STON1: variants seen among roughly 807,000 people sequenced by gnomAD.
STON1 encodes the protein stonin-1.
In STON1, 79 loss-of-function variants were observed where a neutral mutation model predicts 60.9. That is an observed-to-expected ratio of 1.30 (90% CI 1.08 to 1.56). STON1 has a LOEUF of 1.56. Ranked by LOEUF, STON1 falls within the 40% of genes most tolerant of loss-of-function variation. STON1 has a pLI of 0.00. For missense variants in STON1, 1,166 were observed against 858.9 expected (o/e 1.36, Z -4.47); for synonymous variants, 363 against 306.9 (o/e 1.18, Z -1.91).
chr2:48,578,922 C>G (rs1365126957), intron 1 of STON1, among the ~76,000 whole-genome samples: 1 of 151,800 alleles, frequency 6.6e-6, no homozygotes, highest in African/African-American at 2.4e-5. Context: ...CTGAGGGAAG[C>G]CAAAAGATTA....
At chr2:48,562,525 G>A (rs964756338) in intron 1 of STON1, among the ~76,000 whole-genome samples, 6 of 152,296 alleles carry the variant, frequency 3.9e-5, no homozygotes, top group African/African-American at 1.4e-4. Flanking sequence ...TGTGAAGTAG[G>A]TGTTACTTAT....
At chr2:48,564,404 T>TGTC (rs1448644388) in intron 1 of STON1, among the ~76,000 whole-genome samples, 2 of 128,534 alleles carry the variant, frequency 1.6e-5, no homozygotes, top group African/African-American at 2.9e-5. Context: ...GCAGTGGCGG[T>TGTC]GTCTTCTTCT....
rs371602666 is a variant in STON1 at position 48,581,702 on chromosome 2, A to G, written c.1069A>G (p.Lys357Glu). Residue 357 changes from lysine to glutamate, a missense_variant, in exon 2 of 4, where the codon AAA becomes GAA. Lys to Glu is a moderately conservative substitution (Grantham distance 56, BLOSUM62 1). Coordinates refer to ENST00000404752, the MANE Select transcript of STON1 (RefSeq NM_006873.4). ...VKIEHVSYTE[K>E]RKYHSKTEVV... is the part of the protein sequence containing the mutation. ...GATTGAACATGTGTCTTACACAGAA[A>G]AAAGGAAATACCATTCTAAGACAGA... The G allele has an allele frequency of 1.6e-5, 26 of 1,611,186 alleles. No individual in the cohort carries two copies. The South Asian group carries it at 2.5e-4, about 16-fold the overall frequency.
rs200675765 is a variant in STON1 at position 48,582,029 on chromosome 2, C to T, written c.1396C>T (p.Arg466Ter). The change falls in exon 2 of 4, where the codon CGA becomes TGA. Residue 466 changes from arginine (R) to a stop codon, truncating the protein, a stop_gained. Coordinates refer to ENST00000404752, the MANE Select transcript of STON1 (RefSeq NM_006873.4). LOFTEE classifies it high-confidence loss of function. ...LTLNDLELPK[R>*]DESYYEKDSE... ...CTTGAATGACCTTGAGTTGCCGAAG[C>T]GAGATGAATCCTATTATGAGAAGGA... 3.0e-5 allele frequency: 48 copies of T among 1,613,830 alleles called. 1 individual carries two copies. Among genetic ancestry groups the T allele is most frequent in the East Asian group, 6.7e-5 (3 of 44,884 alleles).
chr2:48,546,080 C>A (rs946799062), intron 1 of STON1, among the ~76,000 whole-genome samples: 1 of 152,150 alleles, frequency 6.6e-6, no homozygotes. Flanking sequence ...TCATGTCTTA[C>A]CTGAGTTCCT....
chr2:48,564,459 TTCTTCTTCTTCTTC>T (rs1672765144), intron 1 of STON1, among the ~76,000 whole-genome samples: 10 of 54,330 alleles, frequency 1.8e-4, no homozygotes, highest in African/African-American at 7.0e-4. Flanking sequence ...CTTCTTCTTC[TTCTTCTTCTTCTTC>T]TTCTTCTTTC....
rs1011435292 is a variant in STON1 at position 48,596,452 on chromosome 2, G to C, written c.*1150G>C. ...TTCCTTTCAGCATTTACAGTGAAAA[G>C]TGAGAATTTTAAAATTTATGAAATC... is the stretch of plus-strand genomic sequence containing the variant. On this transcript the variant is annotated 3_prime_UTR_variant, in exon 4 of 4. Transcript: ENST00000404752. 4 of 152,128 alleles carry C rather than the reference G, an allele frequency of 2.6e-5. No individual in the cohort carries two copies. Among genetic ancestry groups the C allele is most frequent in the Non-Finnish European group, 5.9e-5 (4 of 68,012 alleles). 9.4% of individuals were successfully genotyped at this position (152,128 alleles called of 1,614,324 possible).
Position 48,581,216 on chromosome 2 carries a change from C to A in STON1, c.583C>A (p.His195Asn). Residue 195 changes from histidine (H) to asparagine (N), a missense_variant, in exon 2 of 4, where the codon CAT (histidine) becomes AAT (asparagine). His to Asn is a moderately conservative substitution (Grantham distance 68). Transcript: ENST00000404752. Reference sequence around the variant, plus strand: ...TTGGAAAGATGAAGGCAGTGATTCCCATTTCACCCTTGACCCACCAGGAAG... The same window carrying A: ...TTGGAAAGATGAAGGCAGTGATTCCAATTTCACCCTTGACCCACCAGGAAG... ...PFWKDEGSDS[H>N]FTLDPPGSKK... 1 of 1,521,096 alleles carries A rather than the reference C, an allele frequency of 6.6e-7. No homozygotes were observed. The highest frequency in any genetic ancestry group is 2.3e-5 in the East Asian group (1 of 44,026). 94.2% of individuals were successfully genotyped at this position (1,521,096 alleles called of 1,614,324 possible).
chr2:48,572,370 T>G (rs1673257196), intron 1 of STON1, among the ~76,000 whole-genome samples: 1 of 152,058 alleles, frequency 6.6e-6, no homozygotes, highest in South Asian at 2.1e-4. Context: ...CACATCACAT[T>G]TGCTGAGTGC....
intron 1 of STON1, among the ~76,000 whole-genome samples, chr2:48,572,215 G>A (rs1441490965): frequency 6.6e-6 from 1 of 152,100 alleles, no homozygotes; most frequent in African/African-American, 2.4e-5. Context: ...TTGAAGAGGG[G>A]AGGAAGAGGA....
At chr2:48,562,503 T>A (rs1672653953) in intron 1 of STON1, among the ~76,000 whole-genome samples, 1 of 152,210 alleles carries the variant, frequency 6.6e-6, no homozygotes, top group Admixed American at 6.5e-5. Flanking sequence ...TAACGTTAAT[T>A]TATTTGGTCC....
At chr2:48,593,997 C>T (rs778878103) in intron 3 of STON1, among the ~76,000 whole-genome samples, 8 of 152,064 alleles carry the variant, frequency 5.3e-5, no homozygotes, top group Non-Finnish European at 1.0e-4. Flanking sequence ...GTGTATAGGC[C>T]CCTTTGCATC....
rs755589412 is a variant in STON1 at position 48,591,803 on chromosome 2, G to C, written c.2081G>C (p.Ser694Thr). 6 of 1,614,058 alleles carry C rather than the reference G, an allele frequency of 3.7e-6. No homozygotes were observed. The highest frequency in any genetic ancestry group is 1.6e-4 in the Middle Eastern group (1 of 6,084). Reference sequence around the variant, plus strand: ...GAGGTCAGGTCTCTGGGAGTGGAGAGTGATGTCCAGCCACAGAAACATGTT... The same window carrying C: ...GAGGTCAGGTCTCTGGGAGTGGAGACTGATGTCCAGCCACAGAAACATGTT... ...RTEVRSLGVE[S>T]DVQPQKHVQQ... is the part of the protein sequence containing the mutation. Residue 694 changes from serine (S) to threonine (T), a missense_variant, in exon 3 of 4, where the codon AGT (serine) becomes ACT (threonine). Coordinates refer to ENST00000404752, the MANE Select transcript of STON1 (RefSeq NM_006873.4).
In STON1 at chr2:48,580,802, A is replaced by G. The variant is rs1239691971; in HGVS notation, c.169A>G (p.Thr57Ala). 6.4e-7 allele frequency: 1 copy of G among 1,553,294 alleles called. No individual in the cohort carries two copies. Among genetic ancestry groups the G allele is most frequent in the South Asian group, 1.3e-5 (1 of 79,616 alleles). ...LREFPSGSSS[T>A]SSTPLSSPIV... ...GGAATTTCCCAGTGGATCTTCCTCC[A>G]CCAGCAGCACTCCTCTCTCCTCCCC... The change falls in exon 2 of 4, where the codon ACC becomes GCC. Residue 57 changes from threonine to alanine, a missense_variant. By Grantham distance (58) the Thr-to-Ala change is moderately conservative (BLOSUM62 0). Transcript: ENST00000404752.
At chr2:48,555,148 CA>C (rs1672269635) in intron 1 of STON1, among the ~76,000 whole-genome samples, 1 of 86,986 alleles carries the variant, frequency 1.1e-5, no homozygotes, top group African/African-American at 4.4e-5. Context: ...ACACTGCAAC[CA>C]TCCGATTTCT....
At chr2:48,574,299 C>A (rs369226996) in intron 1 of STON1, among the ~76,000 whole-genome samples, 1 of 151,690 alleles carries the variant, frequency 6.6e-6, no homozygotes, top group African/African-American at 2.4e-5. Context: ...TCGATTGAAC[C>A]CTGGAGGCAA....
In STON1 at chr2:48,591,835, C is replaced by G. The variant is rs753727146; in HGVS notation, c.2113C>G (p.Arg705Gly). The G allele has an allele frequency of 5.6e-6, 9 of 1,613,962 alleles. No homozygotes were observed. The highest frequency in any genetic ancestry group is 1.3e-5 in the African/African-American group (1 of 74,916). Residue 705 changes from arginine (R) to glycine (G), a missense_variant, in exon 3 of 4, where the codon CGA (arginine) becomes GGA (glycine). Transcript: ENST00000404752. ...CCAGCCACAGAAACATGTTCAGCAGCGAGCTTGCTACAACATCCAGGTACA... is the reference window on the plus strand; with the variant it reads ...CCAGCCACAGAAACATGTTCAGCAGGGAGCTTGCTACAACATCCAGGTACA... ...DVQPQKHVQQ[R>G]ACYNIQVEIE...
At chr2:48,564,423 T>C (rs113437839) in intron 1 of STON1, among the ~76,000 whole-genome samples, 646 of 39,692 alleles carry the variant, frequency 0.016, 2 homozygotes, top group African/African-American at 0.017. Context: ...CTTCTTCTTC[T>C]TCTTCTTCTT....
At chr2:48,568,376 C>G (rs1673038651) in intron 1 of STON1, among the ~76,000 whole-genome samples, 1 of 152,162 alleles carries the variant, frequency 6.6e-6, no homozygotes, top group South Asian at 2.1e-4. Context: ...AATCTGACTT[C>G]AACAATCTAC....
Sources: allele counts gnomAD v4.1 joint callset (sites outside exome capture counted in the v4.1 genomes callset), GRCh38; gene constraint gnomAD v4.1.1; transcripts MANE v1.5; gene names NCBI Gene and HGNC (gene_info 2026-07-23, HGNC 2026-07-21).